Variants in DLGAP1 observed in about 807,000 individuals in gnomAD.
DLGAP1 encodes DLG associated protein 1, also known as disks large-associated protein 1.
A neutral mutation model predicts 90.8 loss-of-function variants in DLGAP1; 11 were observed. The ratio of observed to expected loss-of-function variants is 0.12; its 90% confidence interval spans 0.08 to 0.20. The LOEUF is 0.20. Among genes scored for constraint, DLGAP1 ranks in the 10% least tolerant of loss-of-function variants. DLGAP1 has a pLI of 1.00. For synonymous variants in DLGAP1, 558 were observed against 540.7 expected (o/e 1.03, Z -0.44); for missense variants, 1,050 against 1,333.8 (o/e 0.79, Z 3.31).
chr18:4,398,492 A>G (rs1013757382), intron 1 of DLGAP1, among the ~76,000 whole-genome samples: 1 of 152,186 alleles, frequency 6.6e-6, no homozygotes, highest in Non-Finnish European at 1.5e-5. Context: ...ATCCTGGACA[A>G]ATTGTTTACC....
intron 9 of DLGAP1, among the ~76,000 whole-genome samples, chr18:3,552,797 G>A (rs182879436): frequency 3.1e-4 from 47 of 152,212 alleles, no homozygotes; most frequent in Admixed American, 7.2e-4. Flanking sequence ...CTTCATCCCC[G>A]CTTTCAGAGC....
chr18:3,916,574 A>C (rs2072150033), intron 3 of DLGAP1, among the ~76,000 whole-genome samples: 1 of 152,218 alleles, frequency 6.6e-6, no homozygotes, highest in African/African-American at 2.4e-5. Flanking sequence ...CTCACATGCT[A>C]TAATATCATG....
At chr18:4,391,700 T>G (rs2082343849) in intron 1 of DLGAP1, among the ~76,000 whole-genome samples, 1 of 152,138 alleles carries the variant, frequency 6.6e-6, no homozygotes, top group African/African-American at 2.4e-5. Context: ...ATACTGACTT[T>G]TATTTTGCCT....
At chr18:3,714,485 C>T (rs989522097) in intron 7 of DLGAP1, among the ~76,000 whole-genome samples, 8 of 152,140 alleles carry the variant, frequency 5.3e-5, no homozygotes, top group Non-Finnish European at 1.5e-5. Flanking sequence ...ATAACACGTA[C>T]AGTTCCTATT....
intron 2 of DLGAP1, among the ~76,000 whole-genome samples, chr18:4,062,039 G>A (rs931437333): frequency 6.6e-6 from 1 of 152,084 alleles, no homozygotes; most frequent in Non-Finnish European, 1.5e-5. Flanking sequence ...AGCAAAACAA[G>A]AATTAAGTAG....
chr18:4,409,626 T>C (rs1397100034), intron 1 of DLGAP1, among the ~76,000 whole-genome samples: 1 of 152,206 alleles, frequency 6.6e-6, no homozygotes, highest in Admixed American at 6.5e-5. Flanking sequence ...AGGAGTAAGA[T>C]GGTATCGCAT....
intron 7 of DLGAP1, among the ~76,000 whole-genome samples, chr18:3,676,849 T>G (rs2060322142): frequency 6.6e-6 from 1 of 152,196 alleles, no homozygotes; most frequent in South Asian, 2.1e-4. Flanking sequence ...CTCTCTCCTA[T>G]CTGCGTTTCC....
chr18:4,201,901 G>C (rs2077615209), intron 1 of DLGAP1, among the ~76,000 whole-genome samples: 2 of 151,996 alleles, frequency 1.3e-5, no homozygotes. Flanking sequence ...CAACCTCTAA[G>C]GAAAACAGTA....
At chr18:4,388,055 TG>T in intron 1 of DLGAP1, among the ~76,000 whole-genome samples, 1 of 151,602 alleles carries the variant, frequency 6.6e-6, no homozygotes, top group East Asian at 2.0e-4. Flanking sequence ...GAGTGCCTAG[TG>T]GGGAAGAATC....
intron 3 of DLGAP1, among the ~76,000 whole-genome samples, chr18:3,938,178 A>C (rs1599186820): frequency 1.3e-5 from 2 of 152,330 alleles, no homozygotes; most frequent in Non-Finnish European, 2.9e-5. Context: ...GTTTGGGGCT[A>C]TTGGCCCAGT....
intron 7 of DLGAP1, among the ~76,000 whole-genome samples, chr18:3,594,866 T>C (rs2056487291): frequency 6.6e-6 from 1 of 152,202 alleles, no homozygotes; most frequent in Non-Finnish European, 1.5e-5. Context: ...GAAGTTGTAC[T>C]TTGAATGCAG....
rs2049726248 is a variant in DLGAP1, at chr18:3,497,286, C to A, written c.*1899G>T. On this transcript the variant is annotated 3_prime_UTR_variant, in exon 13 of 13. Transcript: ENST00000315677. The stretch of plus-strand genomic sequence containing the variant: ...CTAGCAAATACTTGAAGCTCAAAAT[C>A]TCTGTATGCTCCAATTTCACAAAGC... The A allele has an allele frequency of 6.7e-6, 1 of 149,476 alleles. No homozygotes were observed. Among genetic ancestry groups the A allele is most frequent in the Admixed American group, 6.7e-5 (1 of 14,970 alleles). The allele number at this position is 149,476 out of a possible 1,614,324, so 9.3% of individuals were successfully genotyped here. A position where few individuals can be genotyped will look rare whatever the true frequency, so the allele number is the denominator to read the frequency against.
intron 2 of DLGAP1, among the ~76,000 whole-genome samples, chr18:4,073,260 A>G (rs556972331): frequency 6.6e-6 from 1 of 152,296 alleles, no homozygotes; most frequent in East Asian, 1.9e-4. Context: ...CAATTTTTTG[A>G]AAAAGAGCAG....
intron 1 of DLGAP1, among the ~76,000 whole-genome samples, chr18:4,195,416 G>A (rs1039713196): frequency 6.6e-6 from 1 of 152,146 alleles, no homozygotes; most frequent in Non-Finnish European, 1.5e-5. Flanking sequence ...TTGTTGTCTG[G>A]TTCTAGTCAG....
At chr18:4,259,427 A>C (rs572542823) in intron 1 of DLGAP1, among the ~76,000 whole-genome samples, 1 of 152,270 alleles carries the variant, frequency 6.6e-6, no homozygotes, top group Non-Finnish European at 1.5e-5. Context: ...TCTGAGGTAG[A>C]GAAGGCACAG....
At chr18:3,706,578 G>A (rs544404443) in intron 7 of DLGAP1, among the ~76,000 whole-genome samples, 13 of 152,326 alleles carry the variant, frequency 8.5e-5, no homozygotes, top group Admixed American at 3.9e-4. Context: ...AAAGCTTGTA[G>A]GTATGAAAAC....
At chr18:4,174,766 C>T (rs1327607578) in intron 1 of DLGAP1, among the ~76,000 whole-genome samples, 2 of 152,148 alleles carry the variant, frequency 1.3e-5, no homozygotes, top group African/African-American at 4.8e-5. Context: ...TCCTCACCTG[C>T]CACCCCCCAA....
At chr18:4,221,519 T>C (rs1482565664) in intron 1 of DLGAP1, among the ~76,000 whole-genome samples, 1 of 152,080 alleles carries the variant, frequency 6.6e-6, no homozygotes, top group African/African-American at 2.4e-5. Flanking sequence ...TTTAGAGTAA[T>C]TGCATGCACC....
intron 7 of DLGAP1, among the ~76,000 whole-genome samples, chr18:3,692,624 T>C (rs1475652043): frequency 1.3e-5 from 2 of 151,714 alleles, no homozygotes; most frequent in African/African-American, 2.4e-5. Flanking sequence ...AATGGTCAGG[T>C]CTGGTTGAGA....
Sources: allele counts gnomAD v4.1 joint callset (sites outside exome capture counted in the v4.1 genomes callset), GRCh38; gene constraint gnomAD v4.1.1; transcripts MANE v1.5; gene names NCBI Gene and HGNC (gene_info 2026-07-23, HGNC 2026-07-21).